Variants in SEMA3A observed in about 807,000 individuals in gnomAD.
SEMA3A encodes the protein semaphorin 3A.
Under a neutral mutation model 97.9 loss-of-function variants are expected in SEMA3A, and 29 were observed. The ratio of observed to expected loss-of-function variants is 0.30; its 90% CI spans 0.22 to 0.40. SEMA3A has a LOEUF of 0.40. Among genes scored for constraint, SEMA3A ranks in the 10% least tolerant of loss-of-function variants. The pLI is 1.00. For synonymous variants in SEMA3A, 321 were observed against 323.7 expected (o/e 0.99, Z 0.09); for missense variants, 763 against 951.3 (o/e 0.80, Z 2.60).
At chr7:83,965,406 C>T (rs933672262) in intron 15 of SEMA3A, among the ~76,000 whole-genome samples, 1 of 151,324 alleles carries the variant, frequency 6.6e-6, no homozygotes, top group South Asian at 2.1e-4. Context: ...GCCATGTCTC[C>T]TAGGTCTATT....
chr7:84,449,560 T>C (rs375310239), intron 1 of SEMA3A, among the ~76,000 whole-genome samples: 6 of 152,182 alleles, frequency 3.9e-5, no homozygotes, highest in Non-Finnish European at 7.4e-5. Context: ...ATTAAAGTAA[T>C]TGAATTTATT....
At chr7:84,310,056 A>G (rs1801274977) in intron 2 of SEMA3A, among the ~76,000 whole-genome samples, 1 of 152,174 alleles carries the variant, frequency 6.6e-6, no homozygotes, top group Non-Finnish European at 1.5e-5. Flanking sequence ...AAACATACAT[A>G]AGCTACGTTA....
intron 2 of SEMA3A, among the ~76,000 whole-genome samples, 153 bp from the exon 3 acceptor site, chr7:84,129,338 C>T (rs1002315912): frequency 1.3e-5 from 2 of 152,156 alleles, no homozygotes; most frequent in Admixed American, 6.5e-5. Flanking sequence ...CTTCCAGTGG[C>T]GCCAGTTAAT....
rs1165025562 is a variant in SEMA3A, at chr7:84,393,223, T to C, written c.-245-21323A>G. On this transcript the variant is annotated intron_variant, in intron 1 of 3. Coordinates refer to the SEMA3A transcript ENST00000424555. ...AATCAATTTTGAGTGGATTTGTGTA[T>C]ATGGTGTGAGATAAGGGTCCAATTT... Among the ~76,000 whole-genome samples the C allele has an allele frequency of 2.0e-5, 3 of 152,186 alleles. No individual in the cohort carries two copies. The East Asian group carries it at 5.8e-4, about 29-fold the overall frequency.
intron 2 of SEMA3A, among the ~76,000 whole-genome samples, chr7:84,321,782 A>G (rs1436182030): frequency 1.4e-5 from 2 of 145,484 alleles, no homozygotes; most frequent in African/African-American, 5.1e-5. Context: ...AGGCTGAGGC[A>G]GGTGAATCGT....
intron 2 of SEMA3A, among the ~76,000 whole-genome samples, chr7:84,318,317 GTTT>G (rs71522699): frequency 4.1e-5 from 4 of 97,826 alleles, no homozygotes; most frequent in African/African-American, 7.8e-5. Context: ...TGATTTCTTG[GTTT>G]TTTTTTTTTT....
intron 1 of SEMA3A, among the ~76,000 whole-genome samples, chr7:84,464,455 G>A (rs1373538758): frequency 6.6e-6 from 1 of 152,152 alleles, no homozygotes; most frequent in Non-Finnish European, 1.5e-5. Context: ...GCAGAAAACA[G>A]AACCAATACA....
intron 1 of SEMA3A, among the ~76,000 whole-genome samples, chr7:84,187,353 C>T (rs1364107684): frequency 6.6e-6 from 1 of 152,140 alleles, no homozygotes; most frequent in African/African-American, 2.4e-5. Context: ...TCTTTTCTGG[C>T]TGTATATACT....
intron 1 of SEMA3A, among the ~76,000 whole-genome samples, chr7:84,423,200 G>A (rs1315031839): frequency 1.3e-5 from 2 of 151,404 alleles, no homozygotes; most frequent in South Asian, 2.1e-4. Context: ...CATGTTTGTA[G>A]TTCTCATACC....
In SEMA3A at chr7:84,172,975, T is replaced by C. The variant is rs532480982; in HGVS notation, c.112+21500A>G. ...TACCTGGGAAAGTTTTGGGAAAATA[T>C]TAATCCATTCAATGACAGAATTCTA... On this transcript the variant is annotated intron_variant, in intron 1 of 16. Coordinates refer to ENST00000265362, the MANE Select transcript of SEMA3A (RefSeq NM_006080.3). Among the ~76,000 whole-genome samples, 26 of 152,324 alleles carry C rather than the reference T, an allele frequency of 1.7e-4. 1 individual carries two copies. In the South Asian group the frequency reaches 5.4e-3, roughly 32 times the overall value.
chr7:84,243,224 T>G (rs960127474), intron 3 of SEMA3A, among the ~76,000 whole-genome samples: 6 of 152,192 alleles, frequency 3.9e-5, no homozygotes, highest in African/African-American at 1.4e-4. Context: ...CAATGAATGG[T>G]ACCAGCTGCT....
At chr7:84,189,127 G>A (rs1186927157) in intron 1 of SEMA3A, among the ~76,000 whole-genome samples, 1 of 151,790 alleles carries the variant, frequency 6.6e-6, no homozygotes, top group Non-Finnish European at 1.5e-5. Flanking sequence ...AATCACACTT[G>A]TTCTAATGTA....
chr7:84,201,857 T>C (rs935080037), intron 3 of SEMA3A, among the ~76,000 whole-genome samples: 2 of 152,112 alleles, frequency 1.3e-5, no homozygotes, highest in Non-Finnish European at 2.9e-5. Flanking sequence ...AGTATTCCCT[T>C]GGTTGATTTT....
chr7:84,484,396 C>CT (rs768623819), intron 1 of SEMA3A, among the ~76,000 whole-genome samples: 65 of 150,780 alleles, frequency 4.3e-4, no homozygotes, highest in Non-Finnish European at 5.5e-4. Flanking sequence ...GTAATAAGAG[C>CT]TTTTTTTTTA....
intron 4 of SEMA3A, among the ~76,000 whole-genome samples, chr7:84,086,441 T>A (rs35749536): frequency 1.3e-4 from 18 of 141,568 alleles, no homozygotes; most frequent in Admixed American, 3.7e-4. Context: ...ATATTTATAT[T>A]TTATATATTA....
intron 1 of SEMA3A, among the ~76,000 whole-genome samples, chr7:84,476,020 A>G (rs114760663): frequency 1.5e-3 from 232 of 152,288 alleles, no homozygotes; most frequent in African/African-American, 5.1e-3. Flanking sequence ...TAAAAGTTTT[A>G]TATTTCCTTA....
chr7:84,222,912 A>G (rs1360244602), intron 3 of SEMA3A, among the ~76,000 whole-genome samples: 1 of 151,954 alleles, frequency 6.6e-6, no homozygotes, highest in Non-Finnish European at 1.5e-5. Flanking sequence ...TGTAGAACAT[A>G]ATTATCTGTT....
chr7:84,480,163 G>A (rs1029017099), intron 1 of SEMA3A, among the ~76,000 whole-genome samples: 7 of 152,076 alleles, frequency 4.6e-5, no homozygotes, highest in African/African-American at 1.7e-4. Flanking sequence ...CCTCACTTTC[G>A]CTCAATTAGC....
chr7:84,137,551 C>T (rs1244277651), intron 1 of SEMA3A, among the ~76,000 whole-genome samples: 2 of 151,788 alleles, frequency 1.3e-5, no homozygotes, highest in Non-Finnish European at 2.9e-5. Context: ...GCCAGAGGCA[C>T]GGGCTGTATC....
Sources: allele counts gnomAD v4.1 joint callset (sites outside exome capture counted in the v4.1 genomes callset), GRCh38; gene constraint gnomAD v4.1.1; transcripts MANE v1.5; gene names NCBI Gene and HGNC (gene_info 2026-07-23, HGNC 2026-07-21).